ZNF208: variants seen among roughly 807,000 people sequenced by gnomAD.
ZNF208 encodes zinc finger protein 208, also known as zinc finger protein 95.
In ZNF208, 10 loss-of-function variants were observed where a neutral mutation model predicts 12.1. That is an observed-to-expected ratio of 0.83 (90% CI 0.51 to 1.40). ZNF208 has a LOEUF of 1.40. Ranked by LOEUF, ZNF208 falls within the 40% of genes most tolerant of loss-of-function variation. The probability of loss-of-function intolerance (pLI) is 0.00; values close to 1 mark genes in which losing one functional copy is unlikely to be tolerated. For synonymous variants in ZNF208, 497 were observed against 488.4 expected, an observed-to-expected ratio of 1.02 and a Z score of -0.23; for missense variants, 1,652 against 1,485.0, an observed-to-expected ratio of 1.11 and a Z score of -1.85.
In ZNF208 at chr19:21,966,440, A is replaced by G. The variant is rs1405391031; in HGVS notation, c.*4751T>C. On this transcript the variant is annotated 3_prime_UTR_variant, in exon 4 of 4. Transcript: ENST00000397126. ...ATGTTGCTGCAAAAGACGTTACTTCATTCTCTTCTGTTGCTGCATAGTATT... is the reference window on the plus strand; with the variant it reads ...ATGTTGCTGCAAAAGACGTTACTTCGTTCTCTTCTGTTGCTGCATAGTATT... 1 of 152,090 alleles carries G rather than the reference A, an allele frequency of 6.6e-6. No individual in the cohort carries two copies. Among genetic ancestry groups the G allele is most frequent in the African/African-American group, 2.4e-5 (1 of 41,428 alleles). The allele number at this position is 152,090 out of a possible 1,614,324, so 9.4% of individuals were successfully genotyped here.
rs74167894 is a variant in ZNF208 at position 21,979,084 on chromosome 19, G to A, written c.227-4277C>T. Among the ~76,000 whole-genome samples, 745 of 152,278 alleles carry A rather than the reference G, an allele frequency of 4.9e-3. 1 individual carries two copies. The highest frequency in any genetic ancestry group is 0.014 in the Middle Eastern group (4 of 294). On this transcript the variant is annotated intron_variant, in intron 3 of 3. Transcript: ENST00000397126. Reference sequence around the variant, plus strand: ...CAAGAAATATGGGACTATGTGAAAAGACCAAATCTACATTTAATTCGGGTA... The same window carrying A: ...CAAGAAATATGGGACTATGTGAAAAAACCAAATCTACATTTAATTCGGGTA...
At chr19:21,955,536 C>G (rs1413624910) in intron 4 of ZNF208, among the ~76,000 whole-genome samples, 1 of 152,176 alleles carries the variant, frequency 6.6e-6, no homozygotes, top group Non-Finnish European at 1.5e-5. Flanking sequence ...TCTTTTTACT[C>G]TTGTTTCTCT....
intron 4 of ZNF208, among the ~76,000 whole-genome samples, chr19:21,954,425 A>G (rs528991429): frequency 6.6e-6 from 1 of 152,218 alleles, no homozygotes; most frequent in South Asian, 2.1e-4. Flanking sequence ...TCTAATGTTG[A>G]GACTGTGGTG....
In ZNF208 at chr19:21,978,409, G is replaced by A. The variant is rs113619230; in HGVS notation, c.227-3602C>T. ...CAATCTTTGCTGTTCTGCAGCCTCCGCTGGTGATACCCAGGCAAACAGGGT... is the reference window on the plus strand; with the variant it reads ...CAATCTTTGCTGTTCTGCAGCCTCCACTGGTGATACCCAGGCAAACAGGGT... On this transcript the variant is annotated intron_variant, in intron 3 of 3. Transcript: ENST00000397126. 8.9e-3 allele frequency among the ~76,000 whole-genome samples: 1,357 copies of A among 152,314 alleles called. 22 individuals carry two copies. The highest frequency in any genetic ancestry group is 0.031 in the African/African-American group (1,307 of 41,566).
intron 1 of ZNF208, among the ~76,000 whole-genome samples, chr19:21,989,193 C>T (rs929362840): frequency 4.7e-5 from 7 of 150,134 alleles, no homozygotes; most frequent in Non-Finnish European, 7.4e-5. Flanking sequence ...CCCATTAACT[C>T]GTCATTTAGC....
At chr19:21,992,538 C>T (rs1013816244) in intron 1 of ZNF208, among the ~76,000 whole-genome samples, 1 of 152,134 alleles carries the variant, frequency 6.6e-6, no homozygotes, top group Non-Finnish European at 1.5e-5. Context: ...TCCTGTACTG[C>T]AGAGACATAA....
chr19:21,944,559 G>C (rs1969788311), intron 4 of ZNF208, among the ~76,000 whole-genome samples: 1 of 151,804 alleles, frequency 6.6e-6, no homozygotes, highest in Admixed American at 6.6e-5. Context: ...ATATTATTTA[G>C]ACAAGACTTT....
chr19:22,006,105 C>T (rs539339003), intron 1 of ZNF208, among the ~76,000 whole-genome samples: 123 of 152,180 alleles, frequency 8.1e-4, no homozygotes, highest in Non-Finnish European at 1.5e-3. Flanking sequence ...ACTCTCAGTC[C>T]GAGCCACCAT....
intron 4 of ZNF208, among the ~76,000 whole-genome samples, chr19:21,957,459 C>T (rs969264363): frequency 1.3e-5 from 2 of 152,214 alleles, no homozygotes; most frequent in Admixed American, 1.3e-4. Flanking sequence ...AAGCCAGTAA[C>T]AGCCTCTTGG....
chr19:22,003,483 GAAAA>G (rs981021419), intron 1 of ZNF208, among the ~76,000 whole-genome samples: 1 of 130,980 alleles, frequency 7.6e-6, no homozygotes, highest in Non-Finnish European at 1.6e-5. Flanking sequence ...AAGTTTACAA[GAAAA>G]AAAAACTAAA....
chr19:22,003,798 C>A (rs1970997850), intron 1 of ZNF208, among the ~76,000 whole-genome samples: 1 of 152,122 alleles, frequency 6.6e-6, no homozygotes, highest in African/African-American at 2.4e-5. Flanking sequence ...CATGCACAAT[C>A]ACGTTCATTG....
rs1970204640 is a variant in ZNF208 at position 21,968,068 on chromosome 19, A to T, written c.*3123T>A. The T allele has an allele frequency of 1.3e-5, 2 of 152,148 alleles. No individual in the cohort carries two copies. The highest frequency in any genetic ancestry group is 3.9e-4 in the East Asian group (2 of 5,168). The allele number at this position is 152,148 out of a possible 1,614,324, so 9.4% of individuals were successfully genotyped here. On this transcript the variant is annotated 3_prime_UTR_variant, in exon 4 of 4. Transcript: ENST00000397126. ...AATATTATTGGTGTACAGAAATGCT[A>T]TGCATTTGTGCTGATTTTGTATTCT... is the stretch of plus-strand genomic sequence containing the variant.
chr19:21,989,034 A>G, intron 1 of ZNF208, 125 bp from the exon 2 acceptor site: 1 of 1,289,726 alleles, frequency 7.8e-7, no homozygotes, highest in South Asian at 1.5e-5. Context: ...AAATTATTCA[A>G]TAAAATAATT....
chr19:21,981,686 A>G (rs1970541744), intron 3 of ZNF208, among the ~76,000 whole-genome samples: 1 of 152,212 alleles, frequency 6.6e-6, no homozygotes, highest in Non-Finnish European at 1.5e-5. Flanking sequence ...CCTATTCAAC[A>G]TAGTATTGGA....
chr19:21,965,999 T>C (rs1970158675), downstream of ZNF208: 1 of 152,056 alleles, frequency 6.6e-6, no homozygotes, highest in South Asian at 2.1e-4. Context: ...AGACCTGGTA[T>C]AGAAACATTC....
rs756605720 is a variant in ZNF208, at chr19:21,971,167, G to A, written c.*24C>T. ...AACTAAGGGTTGAGGGCCACTTATAGGCTTTGCCACATTCTTCACATTTCT... is the reference window on the plus strand; with the variant it reads ...AACTAAGGGTTGAGGGCCACTTATAAGCTTTGCCACATTCTTCACATTTCT... On this transcript the variant is annotated 3_prime_UTR_variant, in exon 4 of 4. Transcript: ENST00000397126. 1.9e-6 allele frequency: 3 copies of A among 1,611,620 alleles called. No homozygotes were observed. Among genetic ancestry groups the A allele is most frequent in the African/African-American group, 2.7e-5 (2 of 74,592 alleles).
intron 3 of ZNF208, among the ~76,000 whole-genome samples, chr19:21,984,424 G>T (rs1458274895): frequency 1.3e-5 from 2 of 151,922 alleles, no homozygotes; most frequent in East Asian, 3.9e-4. Flanking sequence ...TTGGTGGCAC[G>T]CACCTGTAGT....
chr19:21,990,409 T>C (rs981963706), intron 1 of ZNF208, among the ~76,000 whole-genome samples: 4 of 148,400 alleles, frequency 2.7e-5, no homozygotes, highest in Admixed American at 6.8e-5. Context: ...TCCAGCATTA[T>C]TTCTGAGGGC....
chr19:21,979,635 T>A (rs1268071795), intron 3 of ZNF208, among the ~76,000 whole-genome samples: 3 of 152,090 alleles, frequency 2.0e-5, no homozygotes, highest in Non-Finnish European at 2.9e-5. Flanking sequence ...CATACCAAAT[T>A]GTAAAGATCA....
Sources: allele counts gnomAD v4.1 joint callset (sites outside exome capture counted in the v4.1 genomes callset), GRCh38; gene constraint gnomAD v4.1.1; transcripts MANE v1.5; gene names NCBI Gene and HGNC (gene_info 2026-07-23, HGNC 2026-07-21).